Variants in AGBL4 observed in about 807,000 individuals in gnomAD.
AGBL4 encodes cytosolic carboxypeptidase 6.
Under a neutral mutation model 66.4 loss-of-function variants are expected in AGBL4, and 58 were observed. The ratio of observed to expected loss-of-function variants is 0.87; its 90% confidence interval spans 0.71 to 1.09. The LOEUF (loss-of-function observed/expected upper bound fraction) is 1.09. AGBL4 is among the 50% of genes least tolerant of loss of function. The probability of loss-of-function intolerance (pLI) is 0.00; values close to 1 mark genes in which losing one functional copy is unlikely to be tolerated. For synonymous variants in AGBL4, 234 were observed against 222.9 expected (o/e 1.05, Z -0.44); for missense variants, 579 against 631.0 (o/e 0.92, Z 0.88).
intron 3 of AGBL4, among the ~76,000 whole-genome samples, chr1:49,686,875 A>G (rs1181521602): frequency 6.6e-6 from 1 of 152,220 alleles, no homozygotes; most frequent in Non-Finnish European, 1.5e-5. Context: ...GTTGAAGTAG[A>G]ATACCAACCC....
intron 3 of AGBL4, among the ~76,000 whole-genome samples, chr1:49,668,518 G>T (rs990674124): frequency 6.6e-6 from 1 of 152,060 alleles, no homozygotes; most frequent in African/African-American, 2.4e-5. Context: ...ACATACATTT[G>T]TCTTTCCTCT....
intron 9 of AGBL4, among the ~76,000 whole-genome samples, chr1:48,613,192 A>C (rs1645267083): frequency 6.6e-6 from 1 of 152,158 alleles, no homozygotes; most frequent in African/African-American, 2.4e-5. Flanking sequence ...TTAAAACTAT[A>C]GTTTGAATTT....
At chr1:49,784,298 T>C (rs1301255287) in intron 2 of AGBL4, among the ~76,000 whole-genome samples, 1 of 152,128 alleles carries the variant, frequency 6.6e-6, no homozygotes, top group African/African-American at 2.4e-5. Flanking sequence ...ATCAATGGAA[T>C]AGAACTGAGA....
At chr1:49,561,369 C>T (rs1467302193) in intron 3 of AGBL4, among the ~76,000 whole-genome samples, 1 of 151,608 alleles carries the variant, frequency 6.6e-6, no homozygotes, top group Non-Finnish European at 1.5e-5. Flanking sequence ...ATGCAGGTTA[C>T]ATATGTACAC....
chr1:49,282,430 G>A (rs1644295364), intron 3 of AGBL4, among the ~76,000 whole-genome samples: 1 of 152,128 alleles, frequency 6.6e-6, no homozygotes, highest in Non-Finnish European at 1.5e-5. Context: ...ATGATGGGTA[G>A]GTGGACTGAT....
At chr1:48,632,683 A>G (rs1423028498) in intron 9 of AGBL4, among the ~76,000 whole-genome samples, 1 of 152,118 alleles carries the variant, frequency 6.6e-6, no homozygotes, top group East Asian at 1.9e-4. Context: ...GCATAATAGG[A>G]TTTTCTGTGT....
intron 1 of AGBL4, among the ~76,000 whole-genome samples, chr1:49,940,093 A>G (rs1436822095): frequency 6.6e-6 from 1 of 152,252 alleles, no homozygotes; most frequent in East Asian, 1.9e-4. Context: ...CAACAGACAC[A>G]TGAAAAAATG....
At chr1:48,846,397 G>GAAATAAAT (rs1197020867) in intron 6 of AGBL4, among the ~76,000 whole-genome samples, 5 of 150,566 alleles carry the variant, frequency 3.3e-5, no homozygotes, top group African/African-American at 1.2e-4. Context: ...AAGAAAGAAA[G>GAAATAAAT]AAAGAAAGAA....
At chr1:49,266,164 G>A (rs1451979213) in intron 3 of AGBL4, 1 of 151,624 alleles carries the variant, frequency 6.6e-6, no homozygotes. Context: ...TGACAGAGAT[G>A]GTAAAAAAAA....
intron 4 of AGBL4, among the ~76,000 whole-genome samples, chr1:49,179,531 T>A (rs1174347423): frequency 6.6e-6 from 1 of 151,922 alleles, no homozygotes; most frequent in African/African-American, 2.4e-5. Flanking sequence ...GCGGAAAGAA[T>A]GCACAAATCA....
At chr1:48,891,722 G>A (rs1388002997) in intron 5 of AGBL4, among the ~76,000 whole-genome samples, 2 of 152,180 alleles carry the variant, frequency 1.3e-5, no homozygotes, top group African/African-American at 2.4e-5. Flanking sequence ...GCATTTCCTA[G>A]TACAGGCACT....
At chr1:49,673,343 T>C (rs977949315) in intron 3 of AGBL4, among the ~76,000 whole-genome samples, 96 of 152,362 alleles carry the variant, frequency 6.3e-4, no homozygotes, top group African/African-American at 2.2e-3. Flanking sequence ...TTTGGTTATA[T>C]ACCAGCAGTG....
At chr1:49,516,682 A>G (rs1649853026) in intron 3 of AGBL4, among the ~76,000 whole-genome samples, 1 of 152,074 alleles carries the variant, frequency 6.6e-6, no homozygotes, top group Admixed American at 6.6e-5. Flanking sequence ...TGCATTTTAT[A>G]AAGATTCTTC....
chr1:48,880,077 A>G (rs1649630919), intron 5 of AGBL4, among the ~76,000 whole-genome samples: 1 of 152,138 alleles, frequency 6.6e-6, no homozygotes, highest in Non-Finnish European at 1.5e-5. Flanking sequence ...TGAGCAGTAT[A>G]CACTGAACTC....
At chr1:49,561,162 T>C (rs1240428781) in intron 3 of AGBL4, among the ~76,000 whole-genome samples, 1 of 152,044 alleles carries the variant, frequency 6.6e-6, no homozygotes, top group Non-Finnish European at 1.5e-5. Context: ...TTTCAAGACT[T>C]AGTAAATATG....
At chr1:49,752,487 T>TA (rs1168508273) in intron 2 of AGBL4, among the ~76,000 whole-genome samples, 1 of 152,094 alleles carries the variant, frequency 6.6e-6, no homozygotes, top group Non-Finnish European at 1.5e-5. Context: ...CTGTTACTCC[T>TA]AGTTATGTGA....
At chr1:49,452,100 C>G (rs956796530) in intron 3 of AGBL4, among the ~76,000 whole-genome samples, 2 of 151,858 alleles carry the variant, frequency 1.3e-5, no homozygotes, top group Non-Finnish European at 2.9e-5. Flanking sequence ...TACCCTCTCT[C>G]CCACAATTTT....
chr1:49,468,889 C>T (rs551398883), intron 3 of AGBL4, among the ~76,000 whole-genome samples: 5 of 151,818 alleles, frequency 3.3e-5, no homozygotes, highest in African/African-American at 7.2e-5. Context: ...TTTTTGTACA[C>T]GTACATTTGT....
chr1:49,065,584 A>C (rs553618529), intron 4 of AGBL4, among the ~76,000 whole-genome samples: 17 of 152,320 alleles, frequency 1.1e-4, no homozygotes, highest in African/African-American at 4.1e-4. Flanking sequence ...AGACTAATGA[A>C]TATCATCAAG....
Sources: gnomAD v4.1 joint callset for allele counts (sites outside exome capture counted in the v4.1 genomes callset) on GRCh38, gnomAD v4.1.1 for gene constraint, MANE v1.5 for transcripts, NCBI Gene and HGNC (gene_info 2026-07-23, HGNC 2026-07-21) for gene names.